Variants in LSM8 observed in about 807,000 individuals in gnomAD.
LSM8 encodes LSM8 U6 small nuclear RNA associated.
In LSM8, 14 loss-of-function variants were observed where a neutral mutation model predicts 15.0. The ratio of observed to expected loss-of-function variants is 0.93; its 90% CI spans 0.62 to 1.46. The LOEUF (loss-of-function observed/expected upper bound fraction) is 1.46, where lower values mean the gene tolerates loss of function less well. Ranked by LOEUF, LSM8 falls within the 40% of genes most tolerant of loss-of-function variation. The pLI is 0.00. For missense variants in LSM8, 90 were observed against 115.4 expected (o/e 0.78, Z 1.01); for synonymous variants, 50 against 42.1 (o/e 1.19, Z -0.73).
chr7:118,188,166 G>A (rs972544843), intron 2 of LSM8, 112 bp from the exon 3 acceptor site: 30 of 1,210,432 alleles, frequency 2.5e-5, no homozygotes, highest in Admixed American at 7.5e-5. Context: ...ATTTGCCGTC[G>A]TATAGGTACT....
At chr7:118,190,642 T>C (rs1808962614) in intron 3 of LSM8, 2 of 152,230 alleles carry the variant, frequency 1.3e-5, no homozygotes, top group Admixed American at 6.5e-5. Flanking sequence ...TAAATGATAC[T>C]GAATATTATC....
In LSM8 at chr7:118,193,368, AGAT is replaced by A. The variant is rs1184863181; in HGVS notation, c.*1367_*1369del. On this transcript the variant is annotated 3_prime_UTR_variant, in exon 4 of 4. Coordinates refer to ENST00000249299, the MANE Select transcript of LSM8 (RefSeq NM_016200.5). ...GAACAATTTGTATAAATTCTGGAAT[AGAT>A]CCTTATAGAGAGTTTAGAGGTGGGT... 2.6e-5 allele frequency among the ~76,000 whole-genome samples: 4 copies of A among 152,128 alleles called. No individual in the cohort carries two copies. In the East Asian group the frequency reaches 7.7e-4, roughly 29 times the overall value.
Position 118,193,428 on chromosome 7 carries a change from A to G in LSM8, c.*1426A>G, listed in dbSNP as rs977066126. 6.6e-6 allele frequency among the ~76,000 whole-genome samples: 1 copy of G among 152,122 alleles called. No homozygotes were observed. Among genetic ancestry groups the G allele is most frequent in the Non-Finnish European group, 1.5e-5 (1 of 67,986 alleles). On this transcript the variant is annotated 3_prime_UTR_variant, in exon 4 of 4. Coordinates refer to ENST00000249299, the MANE Select transcript of LSM8 (RefSeq NM_016200.5). ...CATATTTTAAAATATTTTAAACTTC[A>G]TACTTATTAAACATAATAGCTTTTT...
In LSM8 at chr7:118,184,200, C is replaced by G; in HGVS notation, c.-24C>G. 2 of 1,543,300 alleles carry G rather than the reference C, an allele frequency of 1.3e-6. No homozygotes were observed. Among genetic ancestry groups the G allele is most frequent in the Non-Finnish European group, 1.7e-6 (2 of 1,143,212 alleles). On this transcript the variant is annotated 5_prime_UTR_variant, in exon 1 of 4. Transcript: ENST00000249299. ...GCTTGCTGTCGGCACCGCTGCGTTA[C>G]CCGGAACCGCCGGGCCGAACAGCAT... is the stretch of plus-strand genomic sequence containing the variant.
In LSM8 at chr7:118,188,353, CAG is replaced by C. The variant is rs1379752283; in HGVS notation, c.149_150del (p.Gln50ArgfsTer15). 4 of 1,613,274 alleles carry C rather than the reference CAG, an allele frequency of 2.5e-6. No individual in the cohort carries two copies. Among genetic ancestry groups the C allele is most frequent in the Non-Finnish European group, 1.7e-6 (2 of 1,179,288 alleles). Reference protein sequence around the residue: ...ESHERVFSSSQGVEQVVLGLY... With the variant: ...ESHERVFSSSXGVEQVVLGLY... ...CCATGAACGAGTATTCAGCTCTTCA[CAG>C]GGGGTAGAACAAGTGGTACTAGGAT... On this transcript the variant is annotated frameshift_variant, in exon 3 of 4. Transcript: ENST00000249299. LOFTEE classifies it high-confidence loss of function.
chr7:118,185,636 C>A lies in LSM8; in HGVS notation c.32-18C>A, dbSNP rs1265486160. ...ATTTGCATTCCCTAAGAAACACTTT[C>A]TTTGATTCAGTTATCAGGAACTGTT... On this transcript the variant is annotated intron_variant, in intron 1 of 3. Coordinates refer to ENST00000249299, the MANE Select transcript of LSM8 (RefSeq NM_016200.5). 1 of 1,601,112 alleles carries A rather than the reference C, an allele frequency of 6.2e-7. No homozygotes were observed. The highest frequency in any genetic ancestry group is 8.6e-7 in the Non-Finnish European group (1 of 1,169,068).
At position 118,191,829 on chromosome 7, in the gene LSM8, G is replaced by C. The variant is rs201508353; in HGVS notation, c.201-83G>C. On this transcript the variant is annotated intron_variant, in intron 3 of 3. Transcript: ENST00000249299. ...TTATTTTTTGGAAGAATGGTACTCA[G>C]TGCTTTGATTTGATTAGTAAGATTT... The C allele has an allele frequency of 1.1e-5, 11 of 1,039,408 alleles. No individual in the cohort carries two copies. In the East Asian group the frequency reaches 2.5e-4, roughly 24 times the overall value. The allele number at this position is 1,039,408 out of a possible 1,614,324, so 64.4% of individuals were successfully genotyped here. A position where few individuals can be genotyped will look rare whatever the true frequency, so the allele number is the denominator to read the frequency against.
Position 118,196,922 on chromosome 7 carries a change from T to A in LSM8, c.*4920T>A. Reference sequence around the variant, plus strand: ...TTTTTTTGTTTTAGTAGAGACGGGGTTTCACCATGTTGGCCAGGATGGTCT... The same window carrying A: ...TTTTTTTGTTTTAGTAGAGACGGGGATTCACCATGTTGGCCAGGATGGTCT... On this transcript the variant is annotated 3_prime_UTR_variant, in exon 4 of 4. Coordinates refer to ENST00000249299, the MANE Select transcript of LSM8 (RefSeq NM_016200.5). 6.6e-6 allele frequency among the ~76,000 whole-genome samples: 1 copy of A among 151,644 alleles called. No individual in the cohort carries two copies.
At position 118,198,524 on chromosome 7, in the gene LSM8, G is replaced by C. The variant is rs1809117422; in HGVS notation, c.*6522G>C. On this transcript the variant is annotated 3_prime_UTR_variant, in exon 4 of 4. Coordinates refer to ENST00000249299, the MANE Select transcript of LSM8 (RefSeq NM_016200.5). ...TGGTGTTTGAAGGCAATATATAAAA[G>C]CTTCCCATGCATGGCAAAGATGCAT... Among the ~76,000 whole-genome samples, 1 of 152,140 alleles carries C rather than the reference G, an allele frequency of 6.6e-6. No homozygotes were observed. Among genetic ancestry groups the C allele is most frequent in the Non-Finnish European group, 1.5e-5 (1 of 68,028 alleles).
At position 118,192,217 on chromosome 7, in the gene LSM8, A is replaced by C. The variant is rs991522127; in HGVS notation, c.*215A>C. On this transcript the variant is annotated 3_prime_UTR_variant, in exon 4 of 4. Coordinates refer to ENST00000249299, the MANE Select transcript of LSM8 (RefSeq NM_016200.5). Reference sequence around the variant, plus strand: ...GGTAGCTTGGTTTCTTTTTTTTATTAAATAGTGTGAAAATATAATGGGCAT... The same window carrying C: ...GGTAGCTTGGTTTCTTTTTTTTATTCAATAGTGTGAAAATATAATGGGCAT... The C allele has an allele frequency of 2.7e-5, 10 of 365,560 alleles. No homozygotes were observed. Among genetic ancestry groups the C allele is most frequent in the Non-Finnish European group, 4.4e-5 (9 of 204,852 alleles). The allele number at this position is 365,560 out of a possible 1,614,324, so 22.6% of individuals were successfully genotyped here. A position where few individuals can be genotyped will look rare whatever the true frequency, so the allele number is the denominator to read the frequency against.
In LSM8 at chr7:118,199,979, A is replaced by T. The variant is rs1043966840; in HGVS notation, c.*7977A>T. On this transcript the variant is annotated 3_prime_UTR_variant, in exon 4 of 4. Transcript: ENST00000249299. ...AAAACAGAGCTTAACAAAGGACTGGATGTTTTAGTTTGACAGCAGTGTCTA... is the reference window on the plus strand; with the variant it reads ...AAAACAGAGCTTAACAAAGGACTGGTTGTTTTAGTTTGACAGCAGTGTCTA... Among the ~76,000 whole-genome samples, 2 of 152,154 alleles carry T rather than the reference A, an allele frequency of 1.3e-5. No homozygotes were observed. The highest frequency in any genetic ancestry group is 2.4e-5 in the African/African-American group (1 of 41,454).
chr7:118,188,171 G>T, intron 2 of LSM8, 107 bp from the exon 3 acceptor site: 1 of 1,257,952 alleles, frequency 7.9e-7, no homozygotes, highest in East Asian at 2.3e-5. Flanking sequence ...CCGTCGTATA[G>T]GTACTTGTAT....
intron 2 of LSM8, 139 bp from the exon 3 acceptor site, chr7:118,188,139 T>A: frequency 1.1e-6 from 1 of 924,252 alleles, no homozygotes; most frequent in South Asian, 1.5e-5. Context: ...TACTGTTGGT[T>A]ATAAAAAAGG....
At chr7:118,189,586 T>G (rs1467318928) in intron 3 of LSM8, 1 of 152,100 alleles carries the variant, frequency 6.6e-6, no homozygotes, top group African/African-American at 2.4e-5. Flanking sequence ...GTGGTTCACG[T>G]GCCGTGGCTC....
rs1364528064 is a variant in LSM8, at chr7:118,199,220, A to C, written c.*7218A>C. On this transcript the variant is annotated 3_prime_UTR_variant, in exon 4 of 4. Coordinates refer to ENST00000249299, the MANE Select transcript of LSM8 (RefSeq NM_016200.5). Reference sequence around the variant, plus strand: ...GATTCCAAGTGTATCAATGAACCTCAGTATGATCTTGGGGACCCCCAACTC... The same window carrying C: ...GATTCCAAGTGTATCAATGAACCTCCGTATGATCTTGGGGACCCCCAACTC... Among the ~76,000 whole-genome samples, 2 of 152,200 alleles carry C rather than the reference A, an allele frequency of 1.3e-5. No individual in the cohort carries two copies. The highest frequency in any genetic ancestry group is 2.9e-5 in the Non-Finnish European group (2 of 68,026).
In LSM8 at chr7:118,185,574, A is replaced by G. The variant is rs565721966; in HGVS notation, c.32-80A>G. The G allele has an allele frequency of 5.6e-4, 713 of 1,277,372 alleles. 8 individuals carry two copies. Among genetic ancestry groups the G allele is most frequent in the South Asian group, 5.4e-3 (436 of 80,844 alleles). 79.1% of individuals were successfully genotyped at this position (1,277,372 alleles called of 1,614,324 possible). On this transcript the variant is annotated intron_variant, in intron 1 of 3. Transcript: ENST00000249299. ...ATACCTAGTTGTCATATTTATTCTA[A>G]AAATTCAAATCATTCCCTTGCCAGA...
Position 118,199,087 on chromosome 7 carries a change from G to A in LSM8, c.*7085G>A, listed in dbSNP as rs1398406088. ...AGAGGACATCTTGAAGTTTGTGCCTGGTTTCTCCTGATTTTCACCCTGCAC... is the reference window on the plus strand; with the variant it reads ...AGAGGACATCTTGAAGTTTGTGCCTAGTTTCTCCTGATTTTCACCCTGCAC... On this transcript the variant is annotated 3_prime_UTR_variant, in exon 4 of 4. Transcript: ENST00000249299. 6.6e-6 allele frequency among the ~76,000 whole-genome samples: 1 copy of A among 152,136 alleles called. No homozygotes were observed. The highest frequency in any genetic ancestry group is 1.5e-5 in the Non-Finnish European group (1 of 68,014).
At position 118,197,196 on chromosome 7, in the gene LSM8, T is replaced by G. The variant is rs776586469; in HGVS notation, c.*5194T>G. ...TGCATATATTTTGCTATTATGTAGG[T>G]TTTTTTTTTTTTTCCACATATACTG... is the stretch of plus-strand genomic sequence containing the variant. On this transcript the variant is annotated 3_prime_UTR_variant, in exon 4 of 4. Transcript: ENST00000249299. Among the ~76,000 whole-genome samples, 9 of 13,986 alleles carry G rather than the reference T, an allele frequency of 6.4e-4. No individual in the cohort carries two copies. Among genetic ancestry groups the G allele is most frequent in the South Asian group, 4.8e-3 (1 of 210 alleles). The allele number at this position is 13,986 out of a possible 152,430, so 9.2% of individuals were successfully genotyped here.
At chr7:118,185,193 A>T (rs1007760885) in intron 1 of LSM8, 2 of 152,106 alleles carry the variant, frequency 1.3e-5, no homozygotes, top group East Asian at 1.9e-4. Context: ...TTCTTTTTCT[A>T]TTTTTTCCCT....
Sources: gnomAD v4.1 joint callset for allele counts (sites outside exome capture counted in the v4.1 genomes callset) on GRCh38, gnomAD v4.1.1 for gene constraint, MANE v1.5 for transcripts, NCBI Gene and HGNC (gene_info 2026-07-23, HGNC 2026-07-21) for gene names.